The following SLC7A14 variants were observed in gnomAD, a reference collection of about 807,000 sequenced individuals.
The protein encoded by SLC7A14 is solute carrier family 7 member 14, also known as gamma-aminobutyric acid transporter SLC7A14.
SLC7A14 carries 37 observed loss-of-function variants against 60.2 expected under a neutral mutation model. That is an observed-to-expected ratio of 0.61 (90% CI 0.47 to 0.81). SLC7A14 has a LOEUF of 0.81. Among genes scored for constraint, SLC7A14 ranks in the 30% least tolerant of loss-of-function variants. The probability of loss-of-function intolerance (pLI) is 0.00; values close to 1 mark genes in which losing one functional copy is unlikely to be tolerated. For missense variants in SLC7A14, 886 were observed against 982.7 expected, an observed-to-expected ratio of 0.90 and a Z score of 1.32; for synonymous variants, 399 against 395.8, an observed-to-expected ratio of 1.01 and a Z score of -0.10.
chr3:170,520,681 GA>G (rs1293771204), intron 2 of SLC7A14, among the ~76,000 whole-genome samples: 2 of 152,204 alleles, frequency 1.3e-5, no homozygotes, highest in South Asian at 4.1e-4. Context: ...AAACATTTGG[GA>G]AATGGGCTTG....
At chr3:170,566,811 TAA>T (rs113503595) in intron 1 of SLC7A14, among the ~76,000 whole-genome samples, 8 of 140,842 alleles carry the variant, frequency 5.7e-5, no homozygotes, top group African/African-American at 5.2e-5. Context: ...ATAGTTCAGT[TAA>T]AAAAAAAAAA....
intron 1 of SLC7A14, among the ~76,000 whole-genome samples, chr3:170,529,466 C>T (rs1364983012): frequency 6.6e-6 from 1 of 152,086 alleles, no homozygotes; most frequent in Non-Finnish European, 1.5e-5. Flanking sequence ...TTCATCCGTT[C>T]AAGAAACTAT....
intron 1 of SLC7A14, among the ~76,000 whole-genome samples, chr3:170,559,974 C>T (rs894672392): frequency 1.3e-5 from 2 of 152,160 alleles, no homozygotes; most frequent in African/African-American, 4.8e-5. Context: ...AAAGATAATC[C>T]CGTAGCTCTT....
At chr3:170,577,074 T>C (rs1715112663) in intron 1 of SLC7A14, among the ~76,000 whole-genome samples, 1 of 152,176 alleles carries the variant, frequency 6.6e-6, no homozygotes, top group Non-Finnish European at 1.5e-5. Context: ...ACTGAAAGGA[T>C]GGAAAACCCA....
chr3:170,515,344 A>G (rs980377829), intron 2 of SLC7A14, among the ~76,000 whole-genome samples: 1 of 150,360 alleles, frequency 6.7e-6, no homozygotes, highest in Non-Finnish European at 1.5e-5. Flanking sequence ...ATATATATGT[A>G]TATATATATT....
intron 7 of SLC7A14, among the ~76,000 whole-genome samples, chr3:170,471,607 G>A (rs534122454): frequency 1.8e-4 from 27 of 152,240 alleles, no homozygotes; most frequent in African/African-American, 3.1e-4. Context: ...GGCTACACAC[G>A]TATTCCTATG....
At chr3:170,580,762 AAAGT>A (rs1338688274) in intron 1 of SLC7A14, among the ~76,000 whole-genome samples, 1 of 152,256 alleles carries the variant, frequency 6.6e-6, no homozygotes, top group Non-Finnish European at 1.5e-5. Context: ...ATGAATAAAT[AAAGT>A]GACTTCGTTG....
At chr3:170,571,684 G>C (rs1280086491) in intron 1 of SLC7A14, among the ~76,000 whole-genome samples, 1 of 152,054 alleles carries the variant, frequency 6.6e-6, no homozygotes, top group African/African-American at 2.4e-5. Flanking sequence ...TCAGTTTTTA[G>C]TATGTTTGTT....
chr3:170,537,331 C>G (rs1713878350), intron 1 of SLC7A14, among the ~76,000 whole-genome samples: 1 of 152,146 alleles, frequency 6.6e-6, no homozygotes, highest in African/African-American at 2.4e-5. Context: ...TCCCCTGCTC[C>G]CCTGTTCTAA....
intron 1 of SLC7A14, among the ~76,000 whole-genome samples, chr3:170,536,759 T>TG (rs1713853546): frequency 2.0e-5 from 3 of 152,350 alleles, no homozygotes; most frequent in Admixed American, 6.5e-5. Flanking sequence ...ACACTATAGT[T>TG]GCAAAGTGTA....
At chr3:170,475,730 TGA>T (rs1201244931) in intron 7 of SLC7A14, among the ~76,000 whole-genome samples, 1 of 152,088 alleles carries the variant, frequency 6.6e-6, no homozygotes, top group Non-Finnish European at 1.5e-5. Context: ...CTTTTTTTTT[TGA>T]GACAGAGTCT....
chr3:170,526,668 G>C lies in SLC7A14; in HGVS notation c.269C>G (p.Ser90Cys), dbSNP rs770784473. The C allele has an allele frequency of 6.2e-7, 1 of 1,614,212 alleles. No homozygotes were observed. The highest frequency in any genetic ancestry group is 8.5e-7 in the Non-Finnish European group (1 of 1,180,046). ...KEMAGPGVIV[S>C]FIIAAVASIL... is the part of the protein sequence containing the mutation. ...GGATGCGACGGCTGCAATGATGAAG[G>C]ACACAATGACACCAGGTCCTGCCAT... Residue 90 changes from serine (S) to cysteine (C), a missense_variant, in exon 2 of 8, where the codon TCC (serine) becomes TGC (cysteine). By Grantham distance (112) the Ser-to-Cys change is moderately radical. Coordinates refer to ENST00000231706, the MANE Select transcript of SLC7A14 (RefSeq NM_020949.3).
At chr3:170,504,223 A>T (rs1184357030) in intron 2 of SLC7A14, among the ~76,000 whole-genome samples, 2 of 152,248 alleles carry the variant, frequency 1.3e-5, no homozygotes, top group African/African-American at 4.8e-5. Context: ...CAACTATTTT[A>T]AAATATCTGG....
chr3:170,512,719 A>T (rs900156257), intron 2 of SLC7A14, among the ~76,000 whole-genome samples: 2 of 117,920 alleles, frequency 1.7e-5, no homozygotes, highest in African/African-American at 6.5e-5. Flanking sequence ...GCTGGAGTGC[A>T]GTGGAACCAT....
intron 1 of SLC7A14, among the ~76,000 whole-genome samples, chr3:170,581,735 G>A (rs909888014): frequency 6.6e-6 from 1 of 152,058 alleles, no homozygotes; most frequent in Non-Finnish European, 1.5e-5. Context: ...AAGTACTTTC[G>A]TATACCTACA....
At chr3:170,568,250 A>G (rs1265443234) in intron 1 of SLC7A14, among the ~76,000 whole-genome samples, 2 of 152,154 alleles carry the variant, frequency 1.3e-5, no homozygotes, top group Non-Finnish European at 2.9e-5. Flanking sequence ...TCCCAGTACC[A>G]TTTATTAAAT....
chr3:170,504,131 G>C (rs1046599006), intron 2 of SLC7A14, among the ~76,000 whole-genome samples: 9 of 152,140 alleles, frequency 5.9e-5, no homozygotes, highest in Non-Finnish European at 1.2e-4. Flanking sequence ...GGGTACTAGA[G>C]AGCATCTAGC....
intron 4 of SLC7A14, among the ~76,000 whole-genome samples, chr3:170,489,047 G>A (rs1477348331): frequency 6.6e-6 from 1 of 152,108 alleles, no homozygotes. Context: ...CACTGGTCTG[G>A]GCAAACATTT....
intron 1 of SLC7A14, among the ~76,000 whole-genome samples, chr3:170,573,039 C>T (rs749054263): frequency 3.0e-4 from 45 of 152,252 alleles, no homozygotes; most frequent in African/African-American, 8.9e-4. Flanking sequence ...GAGTCATAGT[C>T]GCCACATGAC....
Sources: gnomAD v4.1 joint callset for allele counts (sites outside exome capture counted in the v4.1 genomes callset) on GRCh38, gnomAD v4.1.1 for gene constraint, MANE v1.5 for transcripts, NCBI Gene and HGNC (gene_info 2026-07-23, HGNC 2026-07-21) for gene names.